PCDHAC1: variants seen among roughly 807,000 people sequenced by gnomAD.
PCDHAC1 encodes protocadherin alpha-C1.
A neutral mutation model predicts 60.0 loss-of-function variants in PCDHAC1; 42 were observed. The observed-to-expected ratio is 0.70, with a 90% CI of 0.55 to 0.90. PCDHAC1 has a LOEUF of 0.90. PCDHAC1 is among the 40% of genes least tolerant of loss of function. The probability of loss-of-function intolerance (pLI) is 0.00; values close to 1 mark genes in which losing one functional copy is unlikely to be tolerated. For synonymous variants in PCDHAC1, 468 were observed against 499.3 expected (o/e 0.94, Z 0.84); for missense variants, 1,160 against 1,222.3 (o/e 0.95, Z 0.76).
chr5:140,951,021 G>A (rs960559037), intron 1 of PCDHAC1, among the ~76,000 whole-genome samples: 1 of 151,932 alleles, frequency 6.6e-6, no homozygotes, highest in Non-Finnish European at 1.5e-5. Context: ...CAGGCAGTGA[G>A]TTTTAATTTC....
Position 140,928,874 on chromosome 5 carries a change from C to T in PCDHAC1, c.1982C>T (p.Pro661Leu), listed in dbSNP as rs782794510. Residue 661 changes from proline (P) to leucine (L), a missense_variant, in exon 1 of 4, where the codon CCT becomes CTT. Physicochemically the swap from Pro to Leu is moderately conservative, Grantham distance 98. Coordinates refer to ENST00000253807, the MANE Select transcript of PCDHAC1 (RefSeq NM_018898.5). The stretch of plus-strand genomic sequence containing the variant: ...GGTGTGCTGTTGAGCAACTCTGTCC[C>T]TCAGTTACTTCCAGACTTTGAAGAT... ...TLGVLLSNSV[P>L]QLLPDFEDVW... 6.2e-7 allele frequency: 1 copy of T among 1,614,194 alleles called. No homozygotes were observed. Among genetic ancestry groups the T allele is most frequent in the Admixed American group, 1.7e-5 (1 of 60,028 alleles).
At chr5:140,996,200 A>G (rs1338736394) in intron 3 of PCDHAC1, among the ~76,000 whole-genome samples, 1 of 152,236 alleles carries the variant, frequency 6.6e-6, no homozygotes, top group South Asian at 2.1e-4. Flanking sequence ...CCCTCAATGC[A>G]AGGATATCAC....
rs1228610236 is a variant in PCDHAC1, at chr5:140,926,905, G to A, written c.13G>A (p.Gly5Arg). The change falls in exon 1 of 4, where the codon GGG (glycine) becomes AGG (arginine). Residue 5 changes from glycine (G) to arginine (R), a missense_variant. Physicochemically the swap from Gly to Arg is moderately radical, Grantham distance 125. Transcript: ENST00000253807. Reference sequence around the variant, plus strand: ...GCCTAGAGGGAGGATGGTGGGCTGTGGGGTGGCAGTTTTATGTTTGTGGGT... The same window carrying A: ...GCCTAGAGGGAGGATGGTGGGCTGTAGGGTGGCAGTTTTATGTTTGTGGGT... MVGC[G>R]VAVLCLWVSC... is the part of the protein sequence containing the mutation. 6.4e-7 allele frequency: 1 copy of A among 1,558,988 alleles called. No homozygotes were observed. The highest frequency in any genetic ancestry group is 1.8e-5 in the Admixed American group (1 of 54,680).
intron 1 of PCDHAC1, among the ~76,000 whole-genome samples, chr5:140,976,253 T>G (rs1554237440): frequency 6.6e-6 from 1 of 152,124 alleles, no homozygotes; most frequent in Non-Finnish European, 1.5e-5. Context: ...TAAATTTATT[T>G]AAAACACAGA....
intron 1 of PCDHAC1, chr5:140,966,689 G>A (rs1002366053): frequency 2.2e-6 from 3 of 1,343,650 alleles, no homozygotes; most frequent in Non-Finnish European, 2.9e-6. Context: ...GAGCGGAGGC[G>A]GGGCCCGGGC....
chr5:140,995,861 A>G (rs2097700846), intron 3 of PCDHAC1, among the ~76,000 whole-genome samples: 1 of 152,220 alleles, frequency 6.6e-6, no homozygotes. Context: ...GTATCACTTA[A>G]TAATTGTGCA....
intron 3 of PCDHAC1, 167 bp from the exon 4 acceptor site, chr5:141,009,456 CAAAT>C (rs2098408902): frequency 8.4e-6 from 8 of 947,642 alleles, no homozygotes; most frequent in African/African-American, 3.5e-5. Context: ...AAAAATTAAA[CAAAT>C]AAATAAATAA....
At position 140,926,391 on chromosome 5, in the gene PCDHAC1, A is replaced by G. The variant is rs76822698; in HGVS notation, c.-502A>G. The G allele has an allele frequency of 6.6e-6, 1 of 152,346 alleles. No homozygotes were observed. The highest frequency in any genetic ancestry group is 1.9e-4 in the East Asian group (1 of 5,178). The allele number at this position is 152,346 out of a possible 1,614,324, so 9.4% of individuals were successfully genotyped here. ...AGGAAGAGCCCAGCTGGGCTCAGCC[A>G]CAGTTATCAGCAATCTGCGGGCAGA... On this transcript the variant is annotated 5_prime_UTR_variant, in exon 1 of 4. Transcript: ENST00000253807.
At chr5:140,949,670 T>G (rs1218670800) in intron 1 of PCDHAC1, among the ~76,000 whole-genome samples, 2 of 151,862 alleles carry the variant, frequency 1.3e-5, no homozygotes, top group African/African-American at 4.8e-5. Flanking sequence ...CTTTAAAGTA[T>G]GCCCTTGTTG....
In PCDHAC1 at chr5:140,959,152, A is replaced by C. The variant is rs182353196; in HGVS notation, c.2434-19797A>C. 1.3e-4 allele frequency among the ~76,000 whole-genome samples: 20 copies of C among 152,108 alleles called. No individual in the cohort carries two copies. The East Asian group carries it at 3.9e-3, about 30-fold the overall frequency. ...CCCACTTTGGGAGGCCAAAGTGGGC[A>C]GATTGCTTGACCCCAGGAGTTCAGG... On this transcript the variant is annotated intron_variant, in intron 1 of 3. Coordinates refer to ENST00000253807, the MANE Select transcript of PCDHAC1 (RefSeq NM_018898.5).
intron 3 of PCDHAC1, among the ~76,000 whole-genome samples, chr5:141,007,395 CA>C (rs35800918): frequency 0.59 from 55,851 of 95,076 alleles, 14,598 homozygotes; most frequent in African/African-American, 0.74. Context: ...TACTAAAATA[CA>C]AAAAAAAAAA....
At position 140,926,728 on chromosome 5, in the gene PCDHAC1, T is replaced by G; in HGVS notation, c.-165T>G. On this transcript the variant is annotated 5_prime_UTR_variant, in exon 1 of 4. Transcript: ENST00000253807. ...CTGGCCAGCCCCGGCAATGCCGGCGTTCGGGAGGCGCAACGTCGGCGGTCG... is the reference window on the plus strand; with the variant it reads ...CTGGCCAGCCCCGGCAATGCCGGCGGTCGGGAGGCGCAACGTCGGCGGTCG... The G allele has an allele frequency of 3.8e-6, 4 of 1,061,710 alleles. No individual in the cohort carries two copies. Among genetic ancestry groups the G allele is most frequent in the Non-Finnish European group, 5.0e-6 (4 of 801,612 alleles). The allele number at this position is 1,061,710 out of a possible 1,614,324, so 65.8% of individuals were successfully genotyped here. A position where few individuals can be genotyped will look rare whatever the true frequency, so the allele number is the denominator to read the frequency against.
At chr5:140,965,103 A>G (rs1453303865) in intron 1 of PCDHAC1, among the ~76,000 whole-genome samples, 1 of 152,234 alleles carries the variant, frequency 6.6e-6, no homozygotes, top group Non-Finnish European at 1.5e-5. Context: ...TAGCTAGAAA[A>G]TGACCCATAG....
chr5:140,927,924 T>C lies in PCDHAC1; in HGVS notation c.1032T>C (p.Thr344=). The change falls in exon 1 of 4, where the codon ACT becomes ACC. Residue 344 remains threonine, a synonymous_variant. Coordinates refer to ENST00000253807, the MANE Select transcript of PCDHAC1 (RefSeq NM_018898.5). ...NDHAPELDFL[T]LSNPVPEDAA... ...ATGCCCCCGAACTGGACTTCCTGAC[T>C]CTTTCGAACCCAGTACCTGAGGACG... 2 of 1,614,204 alleles carry C rather than the reference T, an allele frequency of 1.2e-6. No homozygotes were observed. Among genetic ancestry groups the C allele is most frequent in the Non-Finnish European group, 1.7e-6 (2 of 1,180,032 alleles).
At chr5:141,004,192 C>G (rs2098157863) in intron 3 of PCDHAC1, among the ~76,000 whole-genome samples, 1 of 152,192 alleles carries the variant, frequency 6.6e-6, no homozygotes, top group African/African-American at 2.4e-5. Flanking sequence ...TGCTCTTAAC[C>G]AAAAGGAATT....
chr5:140,978,978 C>T lies in PCDHAC1; in HGVS notation c.2463C>T (p.Tyr821=). Residue 821 remains tyrosine (Y), a synonymous_variant, in exon 2 of 4, where the codon TAC becomes TAT. Coordinates refer to ENST00000253807, the MANE Select transcript of PCDHAC1 (RefSeq NM_018898.5). ...MPRQPNPDWR[Y]SASLRAGMHS... ...GACAGCCCAACCCTGACTGGCGTTA[C>T]TCTGCCTCCCTGAGAGCAGGCATGC... 1 of 1,614,204 alleles carries T rather than the reference C, an allele frequency of 6.2e-7. No homozygotes were observed. The highest frequency in any genetic ancestry group is 8.5e-7 in the Non-Finnish European group (1 of 1,180,030).
intron 1 of PCDHAC1, chr5:140,968,160 A>G: frequency 7.4e-6 from 12 of 1,614,104 alleles, no homozygotes; most frequent in Non-Finnish European, 1.0e-5. Context: ...ATCAATGACA[A>G]TCCACCAAGC....
At chr5:140,968,817 T>C in intron 1 of PCDHAC1, 2 of 1,614,110 alleles carry the variant, frequency 1.2e-6, no homozygotes, top group Middle Eastern at 3.3e-4. Flanking sequence ...GTGGATAGGG[T>C]TTCCAAAATC....
In PCDHAC1 at chr5:140,927,301, C is replaced by A; in HGVS notation, c.409C>A (p.Leu137Met). Residue 137 changes from leucine to methionine, a missense_variant, in exon 1 of 4, where the codon CTG (leucine) becomes ATG (methionine). This residue lies in a region of PCDHAC1 where 1,113 missense variants were observed against 1,163.7 expected (regional missense o/e 0.96). Coordinates refer to ENST00000253807, the MANE Select transcript of PCDHAC1 (RefSeq NM_018898.5). ...GDVQLHIPEF[L>M]TPGARFTLPN... is the part of the protein sequence containing the mutation. ...CGTGCAGCTGCACATCCCCGAGTTC[C>A]TGACGCCCGGAGCCCGCTTTACTCT... is the stretch of plus-strand genomic sequence containing the variant. 3 of 1,614,204 alleles carry A rather than the reference C, an allele frequency of 1.9e-6. No homozygotes were observed. The highest frequency in any genetic ancestry group is 2.5e-6 in the Non-Finnish European group (3 of 1,180,030).
Sources: allele counts gnomAD v4.1 joint callset (sites outside exome capture counted in the v4.1 genomes callset), GRCh38; gene constraint gnomAD v4.1.1; regional missense constraint gnomAD v4.1.1; transcripts MANE v1.5; gene names NCBI Gene and HGNC (gene_info 2026-07-23, HGNC 2026-07-21).